Variants in WSCD2 observed in about 807,000 individuals in gnomAD.
The protein encoded by WSCD2 is WSC domain sialate O sulfotransferase 2, also known as sialate:O-sulfotransferase 2.
In WSCD2, 28 loss-of-function variants were observed where a neutral mutation model predicts 55.7. The observed-to-expected ratio is 0.50, with a 90% CI of 0.37 to 0.69. The LOEUF (loss-of-function observed/expected upper bound fraction) is 0.69, where lower values mean the gene tolerates loss of function less well. WSCD2 is among the 30% of genes least tolerant of loss of function. WSCD2 has a pLI of 0.00. For synonymous variants in WSCD2, 301 were observed against 301.9 expected, an observed-to-expected ratio of 1.00 and a Z score of 0.03; for missense variants, 616 against 762.1, an observed-to-expected ratio of 0.81 and a Z score of 2.26.
intron 8 of WSCD2, among the ~76,000 whole-genome samples, chr12:108,241,361 T>C (rs2137233577): frequency 6.6e-6 from 1 of 152,316 alleles, no homozygotes; most frequent in Non-Finnish European, 1.5e-5. Flanking sequence ...TTCTGCCATC[T>C]TGAGTATTCT....
At chr12:108,188,037 G>C (rs750916266) in intron 1 of WSCD2, among the ~76,000 whole-genome samples, 1 of 152,188 alleles carries the variant, frequency 6.6e-6, no homozygotes, top group Admixed American at 6.5e-5. Context: ...GACACCATAT[G>C]CTCCCTCTGA....
At chr12:108,214,030 T>C (rs989226599) in intron 4 of WSCD2, among the ~76,000 whole-genome samples, 1 of 152,202 alleles carries the variant, frequency 6.6e-6, no homozygotes, top group Non-Finnish European at 1.5e-5. Flanking sequence ...AGGATTTGCT[T>C]TGTACACAAA....
intron 2 of WSCD2, among the ~76,000 whole-genome samples, chr12:108,202,789 C>T (rs1382844799): frequency 1.3e-5 from 2 of 152,134 alleles, no homozygotes; most frequent in African/African-American, 4.8e-5. Flanking sequence ...ATAATTTGTA[C>T]AACAAACCTC....
chr12:108,246,554 C>T (rs764872528), intron 8 of WSCD2, among the ~76,000 whole-genome samples: 2 of 152,170 alleles, frequency 1.3e-5, no homozygotes, highest in Non-Finnish European at 2.9e-5. Flanking sequence ...CCTCCTTCTG[C>T]GGGAGTTTCA....
intron 4 of WSCD2, among the ~76,000 whole-genome samples, chr12:108,219,380 G>C (rs1252778085): frequency 6.6e-6 from 1 of 152,156 alleles, no homozygotes; most frequent in African/African-American, 2.4e-5. Flanking sequence ...AGGTGGATCT[G>C]CACTCACACT....
chr12:108,161,684 C>T (rs773900522), intron 1 of WSCD2, among the ~76,000 whole-genome samples: 8 of 152,154 alleles, frequency 5.3e-5, no homozygotes, highest in Non-Finnish European at 8.8e-5. Flanking sequence ...GTTGGCAGCC[C>T]GGCTTAGCAC....
At chr12:108,245,605 T>C (rs1449284510) in intron 8 of WSCD2, among the ~76,000 whole-genome samples, 3 of 152,228 alleles carry the variant, frequency 2.0e-5, no homozygotes, top group African/African-American at 7.2e-5. Context: ...AGTTTGGATC[T>C]GTGTTGTTGC....
chr12:108,227,727 G>GTGATGA (rs112313899), intron 6 of WSCD2, among the ~76,000 whole-genome samples: 31,846 of 150,346 alleles, frequency 0.21, 3,369 homozygotes, highest in East Asian at 0.27. Context: ...GATAATGATG[G>GTGATGA]TGATGATGAT....
At chr12:108,141,365 A>G (rs1565912730) in intron 1 of WSCD2, among the ~76,000 whole-genome samples, 1 of 152,206 alleles carries the variant, frequency 6.6e-6, no homozygotes, top group South Asian at 2.1e-4. Context: ...CCTCCTGAGT[A>G]GCTGGGACTA....
chr12:108,215,553 G>A (rs2137123714), intron 4 of WSCD2, among the ~76,000 whole-genome samples: 1 of 152,280 alleles, frequency 6.6e-6, no homozygotes, highest in South Asian at 2.1e-4. Flanking sequence ...CTTTGGTAAT[G>A]TCTAAAAATA....
intron 3 of WSCD2, among the ~76,000 whole-genome samples, chr12:108,207,498 T>A (rs1235590488): frequency 6.7e-6 from 1 of 150,018 alleles, no homozygotes; most frequent in African/African-American, 2.5e-5. Context: ...GCCTCCTGAG[T>A]AGCTGGGACT....
chr12:108,174,994 A>C lies in WSCD2; in HGVS notation c.-551-20288A>C, dbSNP rs576657536. On this transcript the variant is annotated intron_variant, in intron 1 of 8. Transcript: ENST00000547525. The stretch of plus-strand genomic sequence containing the variant: ...CCAGGGACACAGAGGTGAGGAAGAC[A>C]AGACTCGCCCCTCTCTTCAGAGTGC... Among the ~76,000 whole-genome samples the C allele has an allele frequency of 2.0e-5, 3 of 152,304 alleles. No homozygotes were observed. The South Asian group carries it at 6.2e-4, about 32-fold the overall frequency.
chr12:108,169,339 C>T (rs1211064460), intron 1 of WSCD2, among the ~76,000 whole-genome samples: 1 of 152,084 alleles, frequency 6.6e-6, no homozygotes, highest in East Asian at 1.9e-4. Context: ...CCCCCCCACC[C>T]CCTGGTCCAT....
chr12:108,241,252 C>T (rs1040975052), intron 8 of WSCD2, among the ~76,000 whole-genome samples: 3 of 152,212 alleles, frequency 2.0e-5, no homozygotes, highest in Non-Finnish European at 2.9e-5. Flanking sequence ...TGAGATTCAG[C>T]TCTGGCACTT....
intron 3 of WSCD2, among the ~76,000 whole-genome samples, chr12:108,207,974 G>A (rs556600182): frequency 4.6e-5 from 7 of 152,292 alleles, no homozygotes; most frequent in Admixed American, 3.3e-4. Context: ...TGGAAGAATC[G>A]CAGGCAGTTA....
chr12:108,133,698 T>C (rs1480199097), intron 1 of WSCD2, among the ~76,000 whole-genome samples: 1 of 152,220 alleles, frequency 6.6e-6, no homozygotes, highest in African/African-American at 2.4e-5. Flanking sequence ...TGCTCATTTT[T>C]CCAAGTGCCT....
chr12:108,240,663 C>A, intron 8 of WSCD2, 119 bp downstream of exon 8: 1 of 1,185,976 alleles, frequency 8.4e-7, no homozygotes. Flanking sequence ...ATGCGAGGAA[C>A]CCTGGAGGAC....
intron 1 of WSCD2, among the ~76,000 whole-genome samples, chr12:108,164,139 C>CTTTTTTT (rs1555224800): frequency 1.2e-5 from 1 of 85,310 alleles, no homozygotes; most frequent in African/African-American, 4.7e-5. Context: ...ATCTTAAATC[C>CTTTTTTT]TTTTTTTTTT....
At chr12:108,166,867 A>G (rs1290277990) in intron 1 of WSCD2, among the ~76,000 whole-genome samples, 4 of 133,580 alleles carry the variant, frequency 3.0e-5, no homozygotes, top group Admixed American at 8.3e-5. Context: ...GCTGAAGTGT[A>G]GTTCCATGAT....
Sources: gnomAD v4.1 joint callset for allele counts (sites outside exome capture counted in the v4.1 genomes callset) on GRCh38, gnomAD v4.1.1 for gene constraint, MANE v1.5 for transcripts, NCBI Gene and HGNC (gene_info 2026-07-23, HGNC 2026-07-21) for gene names.